ARG2: variants seen among roughly 807,000 people sequenced by gnomAD.
The protein encoded by ARG2 is arginase 2.
Under a neutral mutation model 39.4 loss-of-function variants are expected in ARG2, and 21 were observed. The observed-to-expected ratio is 0.53, with a 90% CI of 0.38 to 0.77. ARG2 has a LOEUF of 0.77. ARG2 is among the 30% of genes least tolerant of loss of function. The pLI, the probability that ARG2 is intolerant of heterozygous loss-of-function variation, is 0.00. For missense variants in ARG2, 378 were observed against 426.2 expected (o/e 0.89, Z 1.00); for synonymous variants, 150 against 156.7 (o/e 0.96, Z 0.32).
intron 2 of ARG2, among the ~76,000 whole-genome samples, chr14:67,627,277 A>G (rs1319327943): frequency 6.7e-6 from 1 of 148,776 alleles, no homozygotes; most frequent in Non-Finnish European, 1.5e-5. Flanking sequence ...ATATATATAT[A>G]TATATCTGAA....
Position 67,621,084 on chromosome 14 carries a change from G to A in ARG2, c.184+118G>A, listed in dbSNP as rs529300917. On this transcript the variant is annotated intron_variant, in intron 2 of 7. Transcript: ENST00000261783. ...GTTTGGGAACAGTCTGCCACATCCCGCATCCTCCTTTGGATTCCGTCTGCG... is the reference window on the plus strand; with the variant it reads ...GTTTGGGAACAGTCTGCCACATCCCACATCCTCCTTTGGATTCCGTCTGCG... 6.3e-5 allele frequency: 58 copies of A among 922,556 alleles called. No individual in the cohort carries two copies. In the Admixed American group the frequency reaches 1.1e-3, roughly 18 times the overall value. 57.1% of individuals were successfully genotyped at this position (922,556 alleles called of 1,614,324 possible).
chr14:67,624,651 G>A (rs2036844732), intron 2 of ARG2, among the ~76,000 whole-genome samples: 1 of 152,102 alleles, frequency 6.6e-6, no homozygotes, highest in East Asian at 1.9e-4. Flanking sequence ...CAACCCCCAT[G>A]ATCCAATCAC....
At chr14:67,632,513 G>A (rs564678168) in intron 2 of ARG2, among the ~76,000 whole-genome samples, 2 of 152,112 alleles carry the variant, frequency 1.3e-5, no homozygotes, top group Non-Finnish European at 2.9e-5. Flanking sequence ...CTTAACACAG[G>A]AGGTGGTTTT....
At chr14:67,642,767 TC>T (rs1253197084) in intron 3 of ARG2, among the ~76,000 whole-genome samples, 1 of 145,668 alleles carries the variant, frequency 6.9e-6, no homozygotes, top group Non-Finnish European at 1.5e-5. Flanking sequence ...CTGTTAGAAA[TC>T]CCCTTTGGCA....
chr14:67,627,817 A>G (rs2036883652), intron 2 of ARG2, among the ~76,000 whole-genome samples: 1 of 152,222 alleles, frequency 6.6e-6, no homozygotes, highest in Non-Finnish European at 1.5e-5. Context: ...ATGAAAGTAC[A>G]GCACCTGTCC....
Position 67,651,265 on chromosome 14 carries a change from T to C in ARG2, c.*345T>C. 1 of 1,575,332 alleles carries C rather than the reference T, an allele frequency of 6.3e-7. No homozygotes were observed. Among genetic ancestry groups the C allele is most frequent in the Non-Finnish European group, 8.6e-7 (1 of 1,161,260 alleles). ...TTCCTCCCTCCTCCCACAGCCTGGC[T>C]ATACAGTGCATCCTTGAACTGTCAG... On this transcript the variant is annotated 3_prime_UTR_variant, in exon 8 of 8. Transcript: ENST00000261783.
At position 67,642,205 on chromosome 14, in the gene ARG2, T is replaced by A; in HGVS notation, c.204T>A (p.Phe68Leu). The change falls in exon 3 of 8, where the codon TTT becomes TTA. Residue 68 changes from phenylalanine to leucine, a missense_variant. Phe to Leu is a conservative substitution (Grantham distance 22). Coordinates refer to ENST00000261783, the MANE Select transcript of ARG2 (RefSeq NM_001172.4). ...TTCCAGGCTGCCACCTAAAAGACTT[T>A]GGAGATTTGAGTTTTACTCCAGTCC... Reference protein sequence around the residue: ...LSSLGCHLKDFGDLSFTPVPK... With the variant: ...LSSLGCHLKDLGDLSFTPVPK... 6.2e-7 allele frequency: 1 copy of A among 1,614,054 alleles called. No individual in the cohort carries two copies. The highest frequency in any genetic ancestry group is 8.5e-7 in the Non-Finnish European group (1 of 1,179,952).
intron 2 of ARG2, among the ~76,000 whole-genome samples, chr14:67,635,850 TA>T (rs1160155642): frequency 2.0e-5 from 3 of 152,142 alleles, no homozygotes; most frequent in Non-Finnish European, 4.4e-5. Flanking sequence ...AAACTTCATC[TA>T]AAAAAAATTT....
chr14:67,630,700 T>C (rs918098445), intron 2 of ARG2, among the ~76,000 whole-genome samples: 2 of 152,168 alleles, frequency 1.3e-5, no homozygotes, highest in African/African-American at 2.4e-5. Flanking sequence ...TGCCTCAGCC[T>C]CCATAGTAGC....
chr14:67,646,579 C>A, intron 4 of ARG2, 65 bp from the exon 5 acceptor site: 1 of 1,338,520 alleles, frequency 7.5e-7, no homozygotes, highest in South Asian at 1.2e-5. Flanking sequence ...CACGGACGCA[C>A]ATGATAATGA....
At chr14:67,626,922 A>G (rs1463548432) in intron 2 of ARG2, among the ~76,000 whole-genome samples, 2 of 152,228 alleles carry the variant, frequency 1.3e-5, no homozygotes, top group African/African-American at 2.4e-5. Flanking sequence ...ATGCTACAAC[A>G]TGGATGAACC....
chr14:67,642,102 C>A, intron 2 of ARG2, 84 bp from the exon 3 acceptor site: 1 of 1,288,730 alleles, frequency 7.8e-7, no homozygotes, highest in Non-Finnish European at 1.1e-6. Context: ...TGTACTTTGT[C>A]ACGTATTATC....
chr14:67,628,251 T>C (rs1316333348), intron 2 of ARG2, among the ~76,000 whole-genome samples: 1 of 152,240 alleles, frequency 6.6e-6, no homozygotes, highest in Non-Finnish European at 1.5e-5. Flanking sequence ...TCTCACTATG[T>C]TGCCCAGGCT....
chr14:67,635,280 T>G (rs1365397562), intron 2 of ARG2, among the ~76,000 whole-genome samples: 1 of 152,232 alleles, frequency 6.6e-6, no homozygotes, highest in Non-Finnish European at 1.5e-5. Context: ...GTACAGTCTT[T>G]GGGAGTTAAA....
intron 2 of ARG2, among the ~76,000 whole-genome samples, chr14:67,635,581 C>T (rs776916694): frequency 4.6e-5 from 7 of 152,192 alleles, no homozygotes; most frequent in Non-Finnish European, 1.0e-4. Flanking sequence ...CGGCCGGGCA[C>T]GGCGGCTCAC....
chr14:67,628,520 C>T (rs149146047), intron 2 of ARG2, among the ~76,000 whole-genome samples: 61 of 152,266 alleles, frequency 4.0e-4, no homozygotes, highest in African/African-American at 1.4e-3. Flanking sequence ...TCAATGTAGC[C>T]GTATATTTCC....
Position 67,620,017 on chromosome 14 carries a change from C to G in ARG2, c.40C>G (p.Arg14Gly). The part of the protein sequence containing the change: ...RGSLSRLLQT[R>G]VHSILKKSVH... ...CAGCCTCTCGCGTCTCCTCCAGACG[C>G]GAGTGCATTCCATCCTGAAGAAATC... Residue 14 changes from arginine (R) to glycine (G), a missense_variant, in exon 1 of 8, where the codon CGA (arginine) becomes GGA (glycine). Transcript: ENST00000261783. 6.2e-7 allele frequency: 1 copy of G among 1,611,220 alleles called. No individual in the cohort carries two copies. Among genetic ancestry groups the G allele is most frequent in the Non-Finnish European group, 8.5e-7 (1 of 1,178,832 alleles).
chr14:67,649,977 T>TG (rs2037150975), intron 7 of ARG2: 1 of 152,262 alleles, frequency 6.6e-6, no homozygotes, highest in Non-Finnish European at 1.5e-5. Flanking sequence ...CCCTTCCACT[T>TG]GCTCCAGGCC....
chr14:67,633,752 T>G (rs367719114), intron 2 of ARG2, among the ~76,000 whole-genome samples: 2 of 152,236 alleles, frequency 1.3e-5, no homozygotes, highest in Non-Finnish European at 2.9e-5. Context: ...CTCTTTGCAG[T>G]CCTCTAGGTG....
Sources: allele counts gnomAD v4.1 joint callset (sites outside exome capture counted in the v4.1 genomes callset), GRCh38; gene constraint gnomAD v4.1.1; transcripts MANE v1.5; gene names NCBI Gene and HGNC (gene_info 2026-07-23, HGNC 2026-07-21).